The following CFDP1 variants were observed in gnomAD, a reference collection of about 807,000 sequenced individuals.
CFDP1 encodes chromatin remodeling protein CFDP1.
A neutral mutation model predicts 40.1 loss-of-function variants in CFDP1; 31 were observed. That is an observed-to-expected ratio of 0.77 (90% confidence interval 0.58 to 1.04). CFDP1 has a LOEUF of 1.04. Ranked by LOEUF, CFDP1 falls within the 50% of genes least tolerant of loss-of-function variation. The probability of loss-of-function intolerance (pLI) is 0.00; values close to 1 mark genes in which losing one functional copy is unlikely to be tolerated. For synonymous variants in CFDP1, 167 were observed against 120.0 expected (o/e 1.39, Z -2.56); for missense variants, 423 against 343.4 (o/e 1.23, Z -1.83).
At chr16:75,303,925 A>G (rs1380068065) in intron 6 of CFDP1, among the ~76,000 whole-genome samples, 1 of 152,108 alleles carries the variant, frequency 6.6e-6, no homozygotes, top group African/African-American at 2.4e-5. Flanking sequence ...CTGGTGGGAC[A>G]CTCAACATTT....
chr16:75,416,327 G>T (rs1192596736), intron 1 of CFDP1, among the ~76,000 whole-genome samples: 2 of 151,896 alleles, frequency 1.3e-5, no homozygotes, highest in African/African-American at 4.8e-5. Context: ...TAAGGAAAAA[G>T]GATTTGTAAT....
intron 5 of CFDP1, among the ~76,000 whole-genome samples, chr16:75,340,542 T>C (rs1373596074): frequency 1.3e-5 from 2 of 152,220 alleles, no homozygotes; most frequent in Non-Finnish European, 2.9e-5. Context: ...AGGAAAATTC[T>C]TCATTAAATG....
chr16:75,306,302 A>T (rs1336352168), intron 5 of CFDP1: 1 of 152,154 alleles, frequency 6.6e-6, no homozygotes, highest in East Asian at 1.9e-4. Flanking sequence ...GTTGGAAGGG[A>T]TCATCTTTGA....
rs78593684 is a variant in CFDP1 at position 75,297,880 on chromosome 16, G to A, written c.810-3838C>T. On this transcript the variant is annotated intron_variant, in intron 6 of 6. Coordinates refer to ENST00000283882, the MANE Select transcript of CFDP1 (RefSeq NM_006324.3). ...AAAGGGAGGGAGAAATGGAAGCAGA[G>A]GACAAGAGAAGGGTAGAAAATGCTA... Among the ~76,000 whole-genome samples, 592 of 152,272 alleles carry A rather than the reference G, an allele frequency of 3.9e-3. 10 individuals carry two copies. Among genetic ancestry groups the A allele is most frequent in the East Asian group, 0.028 (143 of 5,188 alleles).
intron 5 of CFDP1, among the ~76,000 whole-genome samples, chr16:75,332,664 TGTC>T (rs1382971399): frequency 1.3e-5 from 2 of 151,382 alleles, no homozygotes; most frequent in Non-Finnish European, 2.9e-5. Flanking sequence ...AAGAAAACCC[TGTC>T]TTGGGGAAGG....
intron 5 of CFDP1, among the ~76,000 whole-genome samples, chr16:75,311,456 A>G (rs1246514795): frequency 3.3e-5 from 5 of 152,188 alleles, no homozygotes; most frequent in African/African-American, 1.2e-4. Flanking sequence ...TTTTTAATGT[A>G]CTAAATCCTC....
At position 75,356,907 on chromosome 16, in the gene CFDP1, CTTTCTTTT is replaced by C. The variant is rs2078648231; in HGVS notation, c.650+38175_650+38182del. On this transcript the variant is annotated intron_variant, in intron 5 of 6. Coordinates refer to ENST00000283882, the MANE Select transcript of CFDP1 (RefSeq NM_006324.3). ...TCCATGTTATGGAAACAGCTGCTTT[CTTTCTTTT>C]TTTTTTTTTTTTTTTTGAGACAGAG... Among the ~76,000 whole-genome samples, 5 of 38,452 alleles carry C rather than the reference CTTTCTTTT, an allele frequency of 1.3e-4. No individual in the cohort carries two copies. The South Asian group carries it at 4.0e-3, about 31-fold the overall frequency. The allele number at this position is 38,452 out of a possible 152,430, so 25.2% of individuals were successfully genotyped here.
At chr16:75,302,804 CCTGATCACT>C (rs1205739723) in intron 6 of CFDP1, among the ~76,000 whole-genome samples, 1 of 152,196 alleles carries the variant, frequency 6.6e-6, no homozygotes, top group African/African-American at 2.4e-5. Flanking sequence ...GGAGTCTTCC[CCTGATCACT>C]CTGGCCCCCT....
chr16:75,403,815 T>C (rs962232576), intron 4 of CFDP1, among the ~76,000 whole-genome samples: 20 of 152,154 alleles, frequency 1.3e-4, no homozygotes, highest in African/African-American at 4.8e-4. Flanking sequence ...CAGTAAAATA[T>C]ATTACTAATT....
intron 1 of CFDP1, among the ~76,000 whole-genome samples, chr16:75,430,185 TTTC>T (rs879741109): frequency 0.49 from 74,218 of 150,872 alleles, 19,645 homozygotes; most frequent in Admixed American, 0.63. Context: ...TTGTTTGTTT[TTTC>T]GAGATGGAGT....
intron 5 of CFDP1, among the ~76,000 whole-genome samples, chr16:75,326,127 G>A (rs1165731690): frequency 1.3e-5 from 2 of 152,156 alleles, no homozygotes; most frequent in Non-Finnish European, 2.9e-5. Context: ...TGATATTGGA[G>A]TCATTTTATG....
chr16:75,385,689 G>C (rs986675758), intron 5 of CFDP1, among the ~76,000 whole-genome samples: 1 of 152,142 alleles, frequency 6.6e-6, no homozygotes, highest in Non-Finnish European at 1.5e-5. Flanking sequence ...CTGGGATCTT[G>C]CCAAAGACGA....
chr16:75,426,408 C>G (rs4888418), intron 1 of CFDP1, among the ~76,000 whole-genome samples: 78,848 of 151,902 alleles, frequency 0.52, 21,520 homozygotes, highest in Admixed American at 0.64. Context: ...GGAAAATACA[C>G]TATCTTTGTA....
intron 5 of CFDP1, among the ~76,000 whole-genome samples, chr16:75,380,591 A>C (rs1022927333): frequency 6.6e-6 from 1 of 152,180 alleles, no homozygotes; most frequent in African/African-American, 2.4e-5. Context: ...CCCAAGGAAC[A>C]GAGAAGAAAG....
chr16:75,354,853 G>T (rs939243482), intron 5 of CFDP1, among the ~76,000 whole-genome samples: 14 of 152,166 alleles, frequency 9.2e-5, no homozygotes. Context: ...TCTTAATTTT[G>T]ACAAATGTAC....
intron 5 of CFDP1, among the ~76,000 whole-genome samples, chr16:75,362,072 G>A (rs1218221121): frequency 3.3e-5 from 5 of 152,108 alleles, no homozygotes; most frequent in Admixed American, 6.5e-5. Context: ...TGCTTTTGCC[G>A]CAATCGAATG....
chr16:75,335,652 G>A (rs1306518866), intron 5 of CFDP1, among the ~76,000 whole-genome samples: 2 of 151,444 alleles, frequency 1.3e-5, no homozygotes, highest in African/African-American at 2.4e-5. Flanking sequence ...CGCCTCCCGG[G>A]TTCACGCCAT....
chr16:75,405,993 G>C (rs900543041), intron 4 of CFDP1, among the ~76,000 whole-genome samples: 2 of 151,922 alleles, frequency 1.3e-5, no homozygotes, highest in Admixed American at 1.3e-4. Flanking sequence ...TGTAATCCCA[G>C]CACTTTGGGA....
intron 5 of CFDP1, among the ~76,000 whole-genome samples, chr16:75,394,207 A>G (rs1050677381): frequency 6.6e-6 from 1 of 152,236 alleles, no homozygotes; most frequent in Non-Finnish European, 1.5e-5. Context: ...GTGGGTAGTC[A>G]GGGCTATCCA....
Sources: gnomAD v4.1 joint callset for allele counts (sites outside exome capture counted in the v4.1 genomes callset) on GRCh38, gnomAD v4.1.1 for gene constraint, MANE v1.5 for transcripts, NCBI Gene and HGNC (gene_info 2026-07-23, HGNC 2026-07-21) for gene names.